Variants in INTS6 observed in about 807,000 individuals in gnomAD.
INTS6 encodes DEAD box protein.
INTS6 carries 16 observed loss-of-function variants against 104.9 expected under a neutral mutation model. That is an observed-to-expected ratio of 0.15 (90% CI 0.10 to 0.23). INTS6 has a LOEUF of 0.23. INTS6 is among the 10% of genes least tolerant of loss of function. INTS6 has a pLI of 1.00. For missense variants in INTS6, 584 were observed against 1,062.8 expected, an observed-to-expected ratio of 0.55 and a Z score of 6.26; for synonymous variants, 324 against 358.7, an observed-to-expected ratio of 0.90 and a Z score of 1.09.
chr13:51,447,883 A>C (rs1233265364), intron 3 of INTS6: 4 of 152,140 alleles, frequency 2.6e-5, no homozygotes, highest in Admixed American at 2.0e-4. Context: ...ACATAGAGAA[A>C]CCCAGTCTCT....
the INTS6 span, chr13:51,339,758 C>T: frequency 6.6e-6 from 1 of 152,214 alleles, no homozygotes; most frequent in African/African-American, 2.4e-5. Context: ...GTACGTGGCT[C>T]ATTCGAGGTG....
At chr13:51,419,727 T>C (rs577193509) in intron 4 of INTS6, among the ~76,000 whole-genome samples, 8 of 152,342 alleles carry the variant, frequency 5.3e-5, no homozygotes, top group African/African-American at 1.9e-4. Flanking sequence ...AAGCATCTGT[T>C]CACTTTAACT....
intron 4 of INTS6, among the ~76,000 whole-genome samples, chr13:51,402,341 C>T (rs1221733161): frequency 3.9e-5 from 6 of 152,112 alleles, no homozygotes; most frequent in African/African-American, 1.4e-4. Flanking sequence ...ACTCAAGTAA[C>T]CCATGCTATA....
chr13:51,382,709 C>G (rs183067085), intron 9 of INTS6, among the ~76,000 whole-genome samples: 1 of 152,272 alleles, frequency 6.6e-6, no homozygotes, highest in East Asian at 1.9e-4. Context: ...AAACAGAAAG[C>G]CTACATTACC....
At chr13:51,395,028 G>A (rs868194839) in intron 5 of INTS6, among the ~76,000 whole-genome samples, 2 of 152,106 alleles carry the variant, frequency 1.3e-5, no homozygotes, top group Admixed American at 6.5e-5. Context: ...TTGTAGATAA[G>A]AAAATTAGTT....
chr13:51,361,545 A>G, downstream of INTS6: 1 of 593,564 alleles, frequency 1.7e-6, no homozygotes, highest in East Asian at 2.8e-5. Context: ...GGGGAAGAAG[A>G]GATATCCATC....
At chr13:51,358,286 A>C (rs1318271699), downstream of INTS6, among the ~76,000 whole-genome samples, 1 of 152,172 alleles carries the variant, frequency 6.6e-6, no homozygotes, top group African/African-American at 2.4e-5. Flanking sequence ...TACAGCAAAT[A>C]ATTGTAAAGA....
At chr13:51,424,415 G>A (rs1956950922) in intron 4 of INTS6, among the ~76,000 whole-genome samples, 1 of 151,392 alleles carries the variant, frequency 6.6e-6, no homozygotes, top group African/African-American at 2.4e-5. Context: ...AATGTAAATT[G>A]CTGAAAACTT....
In INTS6 at chr13:51,451,988, T is replaced by A. The variant is rs376990814; in HGVS notation, c.179A>T (p.Tyr60Phe). ...GGCGAGGGCTGTTACCTTGATAGCA[T>A]AGGGCGGCTCTTCGAAAGTGACCAG... is the stretch of plus-strand genomic sequence containing the variant. The part of the protein sequence containing the change: ...YMLVTFEEPP[Y>F]AIKAGWKENH... The change falls in exon 2 of 18, where the codon TAT becomes TTT. Residue 60 changes from tyrosine (Y) to phenylalanine (F), a missense_variant. Tyr to Phe is a conservative substitution (Grantham distance 22, BLOSUM62 3). Transcript: ENST00000311234. 3 of 1,607,048 alleles carry A rather than the reference T, an allele frequency of 1.9e-6. No individual in the cohort carries two copies. Among genetic ancestry groups the A allele is most frequent in the Admixed American group, 3.3e-5 (2 of 59,766 alleles).
At chr13:51,383,803 C>T in intron 7 of INTS6, 62 bp from the exon 8 acceptor site, 1 of 1,389,894 alleles carries the variant, frequency 7.2e-7, no homozygotes, top group South Asian at 1.4e-5. Flanking sequence ...ACTAAATATT[C>T]CTCATTATCA....
the INTS6 span, chr13:51,348,154 A>T: frequency 7.5e-7 from 1 of 1,340,550 alleles, no homozygotes; most frequent in Non-Finnish European, 1.0e-6. Flanking sequence ...AGGGTCCGAC[A>T]CTGGTTCATT....
chr13:51,354,535 C>T (rs2137803179), intron 3 of INTS6, among the ~76,000 whole-genome samples: 1 of 150,888 alleles, frequency 6.6e-6, no homozygotes, highest in South Asian at 2.1e-4. Flanking sequence ...GCAGGTGGAT[C>T]ACTTGAGGCC....
chr13:51,387,588 AT>A (rs771811254), intron 6 of INTS6, 48 bp from the exon 7 acceptor site: 23 of 1,418,960 alleles, frequency 1.6e-5, no homozygotes, highest in East Asian at 1.0e-4. Context: ...ATAAGGGGGG[AT>A]AAGCATAAAA....
chr13:51,375,351 CA>C (rs34281256), intron 13 of INTS6, among the ~76,000 whole-genome samples: 11,410 of 120,748 alleles, frequency 0.094, 745 homozygotes, highest in African/African-American at 0.21. Context: ...GGCTCTGACT[CA>C]AAAAAAAAAA....
downstream of INTS6, among the ~76,000 whole-genome samples, chr13:51,357,619 G>T (rs1955499809): frequency 6.6e-6 from 1 of 151,864 alleles, no homozygotes; most frequent in African/African-American, 2.4e-5. Context: ...GCTGCCTTAA[G>T]GACTCATTCA....
chr13:51,435,052 A>G (rs911894281), intron 3 of INTS6, among the ~76,000 whole-genome samples: 1 of 152,002 alleles, frequency 6.6e-6, no homozygotes, highest in South Asian at 2.1e-4. Context: ...CAGTTGGGAG[A>G]CAATCCTTTA....
At chr13:51,401,432 A>T (rs979884817) in intron 4 of INTS6, among the ~76,000 whole-genome samples, 3 of 152,164 alleles carry the variant, frequency 2.0e-5, no homozygotes, top group African/African-American at 7.2e-5. Context: ...GTACTAGCTA[A>T]CAAGATATTT....
downstream of INTS6, among the ~76,000 whole-genome samples, chr13:51,357,462 A>C (rs901472938): frequency 3.3e-5 from 5 of 152,126 alleles, no homozygotes; most frequent in East Asian, 1.9e-4. Context: ...GGGATTACCA[A>C]GCAGTTTTGT....
intron 12 of INTS6, 42 bp from the exon 13 acceptor site, chr13:51,376,216 AG>A: frequency 6.5e-7 from 1 of 1,527,024 alleles, no homozygotes; most frequent in Non-Finnish European, 8.9e-7. Flanking sequence ...TGTCAAACAT[AG>A]AATTACAAGA....
Sources: allele counts gnomAD v4.1 joint callset (sites outside exome capture counted in the v4.1 genomes callset), GRCh38; gene constraint gnomAD v4.1.1; transcripts MANE v1.5; gene names NCBI Gene and HGNC (gene_info 2026-07-23, HGNC 2026-07-21).